The following IGSF21 variants were observed in gnomAD, a reference collection of about 807,000 sequenced individuals.
The protein encoded by IGSF21 is immunoglobin superfamily member 21, also known as immunoglobulin superfamily member 21.
A neutral mutation model predicts 46.8 loss-of-function variants in IGSF21; 28 were observed. That is an observed-to-expected ratio of 0.60 (90% CI 0.44 to 0.82). The LOEUF (loss-of-function observed/expected upper bound fraction) is 0.82, where lower values mean the gene tolerates loss of function less well. Ranked by LOEUF, IGSF21 falls within the 40% of genes least tolerant of loss-of-function variation. IGSF21 has a pLI of 0.00. For synonymous variants in IGSF21, 284 were observed against 273.6 expected, an observed-to-expected ratio of 1.04 and a Z score of -0.38; for missense variants, 624 against 665.5, an observed-to-expected ratio of 0.94 and a Z score of 0.69.
intron 2 of IGSF21, among the ~76,000 whole-genome samples, chr1:18,287,661 G>A (rs868570552): frequency 1.3e-5 from 2 of 152,148 alleles, no homozygotes; most frequent in Middle Eastern, 3.2e-3. Context: ...CTACCCACTG[G>A]CACCATGGGA....
intron 2 of IGSF21, among the ~76,000 whole-genome samples, chr1:18,282,913 A>C (rs1205205802): frequency 6.6e-6 from 1 of 152,208 alleles, no homozygotes; most frequent in Non-Finnish European, 1.5e-5. Context: ...ACAGCCTCGT[A>C]GGCAGCCTGG....
Position 18,290,204 on chromosome 1 carries a change from C to G in IGSF21, c.184-1662C>G, listed in dbSNP as rs946570517. Among the ~76,000 whole-genome samples, 4 of 152,150 alleles carry G rather than the reference C, an allele frequency of 2.6e-5. No individual in the cohort carries two copies. Among genetic ancestry groups the G allele is most frequent in the Non-Finnish European group, 5.9e-5 (4 of 68,020 alleles). ...TCCCCGTCCTCCTCATCTTCCTCCA[C>G]TCTCATGGTCCCGTTTCAGAAGCTG... On this transcript the variant is annotated intron_variant, in intron 2 of 9. Transcript: ENST00000251296. This position sits in a 1 kb window ranked among gnomAD's most constrained non-coding sequence, Gnocchi z 4.2.
chr1:18,181,685 G>A (rs896906308), intron 1 of IGSF21, among the ~76,000 whole-genome samples: 22 of 152,132 alleles, frequency 1.4e-4, no homozygotes, highest in African/African-American at 3.9e-4. Context: ...CAGAAGATGG[G>A]AACAGGGGAG....
chr1:18,322,793 G>GGA lies in IGSF21; in HGVS notation c.306-12098_306-12097dup, dbSNP rs1287164386. Among the ~76,000 whole-genome samples the GGA allele has an allele frequency of 6.6e-5, 10 of 152,218 alleles. No homozygotes were observed. The highest frequency in any genetic ancestry group is 2.4e-4 in the African/African-American group (10 of 41,462). On this transcript the variant is annotated intron_variant, in intron 3 of 9. Transcript: ENST00000251296. This position sits in a 1 kb window ranked among gnomAD's most constrained non-coding sequence, Gnocchi z 4.3. ...AGTGGATCAGTCAGGACCTGGAGGAGGAAGTGGTTTCCATGGCAGCAGCCA... is the reference window on the plus strand; with the variant it reads ...AGTGGATCAGTCAGGACCTGGAGGAGGAGAAGTGGTTTCCATGGCAGCAGCCA...
intron 6 of IGSF21, among the ~76,000 whole-genome samples, chr1:18,374,916 A>G (rs781472187): frequency 1.3e-5 from 2 of 151,010 alleles, no homozygotes; most frequent in Non-Finnish European, 3.0e-5. Flanking sequence ...CAAAACCCTC[A>G]CCCCTTCCTC....
At position 18,152,305 on chromosome 1, in the gene IGSF21, G is replaced by A. The variant is rs571139257; in HGVS notation, c.70+44107G>A. 3.3e-5 allele frequency among the ~76,000 whole-genome samples: 5 copies of A among 152,324 alleles called. 1 individual carries two copies. The highest frequency in any genetic ancestry group is 1.2e-4 in the African/African-American group (5 of 41,564). ...GCCTGAGTCTGGAGGTGGCTTCAAG[G>A]TTTTAACTGCGTTCCACTGCATGCA... is the stretch of plus-strand genomic sequence containing the variant. On this transcript the variant is annotated intron_variant, in intron 1 of 9. Transcript: ENST00000251296.
At chr1:18,127,664 A>T (rs2086284860) in intron 1 of IGSF21, among the ~76,000 whole-genome samples, 1 of 152,088 alleles carries the variant, frequency 6.6e-6, no homozygotes, top group African/African-American at 2.4e-5. Flanking sequence ...GCACTTTGGG[A>T]GGCCAAGGTG....
chr1:18,312,931 G>A (rs917003766), intron 3 of IGSF21, among the ~76,000 whole-genome samples: 3 of 152,138 alleles, frequency 2.0e-5, no homozygotes, highest in African/African-American at 2.4e-5. Context: ...GTTGCAACAC[G>A]GACTGCCTTC....
chr1:18,128,050 C>T (rs1437276626), intron 1 of IGSF21, among the ~76,000 whole-genome samples: 4 of 152,106 alleles, frequency 2.6e-5, no homozygotes, highest in Non-Finnish European at 4.4e-5. Flanking sequence ...ATTAGTGATA[C>T]TCTTGGATAT....
At chr1:18,119,858 CTT>C (rs113030905) in intron 1 of IGSF21, among the ~76,000 whole-genome samples, 1 of 151,856 alleles carries the variant, frequency 6.6e-6, no homozygotes. Flanking sequence ...AATTCTCCCT[CTT>C]TTAAAAAAAT....
At chr1:18,265,333 C>CAGGCTGA (rs1253007848) in intron 2 of IGSF21, among the ~76,000 whole-genome samples, 8 of 152,176 alleles carry the variant, frequency 5.3e-5, no homozygotes, top group Non-Finnish European at 1.2e-4. Flanking sequence ...AAGTAGGGTT[C>CAGGCTGA]AGCCTGAGCT....
intron 3 of IGSF21, among the ~76,000 whole-genome samples, chr1:18,319,596 G>A (rs1347078552): frequency 6.6e-6 from 1 of 151,830 alleles, no homozygotes; most frequent in Non-Finnish European, 1.5e-5. Context: ...CTCTCATTAA[G>A]TTGTTCCAAG....
chr1:18,108,499 AGTGT>A (rs2086112549), intron 1 of IGSF21, among the ~76,000 whole-genome samples: 1 of 150,550 alleles, frequency 6.6e-6, no homozygotes, highest in Non-Finnish European at 1.5e-5. Context: ...TAGAGATGCA[AGTGT>A]GTGTGTGCGT....
chr1:18,127,902 C>T (rs1315425057), intron 1 of IGSF21, among the ~76,000 whole-genome samples: 1 of 152,060 alleles, frequency 6.6e-6, no homozygotes, highest in Non-Finnish European at 1.5e-5. Context: ...TAGCAAGACA[C>T]TGTCTTCTAA....
At position 18,187,132 on chromosome 1, in the gene IGSF21, G is replaced by A. The variant is rs529562816; in HGVS notation, c.71-40766G>A. 1.9e-4 allele frequency among the ~76,000 whole-genome samples: 29 copies of A among 152,112 alleles called. No homozygotes were observed. In the East Asian group the frequency reaches 3.3e-3, roughly 17 times the overall value. ...ACTAGGAAGTCCAAGATCAGATGGC[G>A]GAAGATTTGGTTCTTGGGGAGGGCT... On this transcript the variant is annotated intron_variant, in intron 1 of 9. Transcript: ENST00000251296.
At position 18,118,481 on chromosome 1, in the gene IGSF21, C is replaced by T. The variant is rs1214445861; in HGVS notation, c.70+10283C>T. ...GGTTTTGTCGAGTGGGTATTCAGAC[C>T]ATACAACAGCCAAGAGCTGAAGGAA... is the stretch of plus-strand genomic sequence containing the variant. On this transcript the variant is annotated intron_variant, in intron 1 of 9. Transcript: ENST00000251296. Among the ~76,000 whole-genome samples, 5 of 152,324 alleles carry T rather than the reference C, an allele frequency of 3.3e-5. No homozygotes were observed. The South Asian group carries it at 8.3e-4, about 25-fold the overall frequency.
intron 2 of IGSF21, among the ~76,000 whole-genome samples, chr1:18,232,822 T>C (rs1557599142): frequency 6.6e-6 from 1 of 152,214 alleles, no homozygotes; most frequent in Non-Finnish European, 1.5e-5. Flanking sequence ...TGACAGACCA[T>C]GCTATGTAGC....
At chr1:18,329,051 C>T (rs1265635385) in intron 3 of IGSF21, among the ~76,000 whole-genome samples, 1 of 152,140 alleles carries the variant, frequency 6.6e-6, no homozygotes, top group Admixed American at 6.5e-5. Flanking sequence ...AGAGAGGTGG[C>T]AAGCCTCAGA....
intron 1 of IGSF21, among the ~76,000 whole-genome samples, chr1:18,153,526 C>T (rs1405070184): frequency 2.0e-5 from 3 of 152,166 alleles, no homozygotes; most frequent in Non-Finnish European, 4.4e-5. Flanking sequence ...GAACAAGGCA[C>T]AGTCACTGCT....
Sources: gnomAD v4.1 joint callset for allele counts (sites outside exome capture counted in the v4.1 genomes callset) on GRCh38, gnomAD v4.1.1 for gene constraint, Gnocchi (gnomAD v3.1) non-coding constraint, MANE v1.5 for transcripts, NCBI Gene and HGNC (gene_info 2026-07-23, HGNC 2026-07-21) for gene names.